The following IMPG1 variants were observed in gnomAD, a reference collection of about 807,000 sequenced individuals.
IMPG1 encodes interphotoreceptor matrix proteoglycan of 150 kDa.
In IMPG1, 85 loss-of-function variants were observed where a neutral mutation model predicts 92.0. That is an observed-to-expected ratio of 0.92 (90% CI 0.78 to 1.11). IMPG1 has a LOEUF of 1.11. Among genes scored for constraint, IMPG1 ranks in the 50% least tolerant of loss-of-function variants. The pLI, the probability that IMPG1 is intolerant of heterozygous loss-of-function variation, is 0.00. For missense variants in IMPG1, 1,022 were observed against 956.0 expected (o/e 1.07, Z -0.91); for synonymous variants, 367 against 334.1 (o/e 1.10, Z -1.08).
chr6:76,021,547 C>G (rs1450816965), intron 6 of IMPG1, among the ~76,000 whole-genome samples: 1 of 151,970 alleles, frequency 6.6e-6, no homozygotes, highest in Non-Finnish European at 1.5e-5. Flanking sequence ...TCCCACATAC[C>G]TTCACACTCA....
chr6:76,025,387 T>C (rs1055401667), intron 4 of IMPG1, 129 bp from the exon 5 acceptor site: 2 of 470,538 alleles, frequency 4.3e-6, no homozygotes, highest in African/African-American at 4.0e-5. Flanking sequence ...TAAAACTAGA[T>C]TGACCTATTT....
chr6:75,999,564 T>TTTTG (rs764074011), intron 12 of IMPG1, among the ~76,000 whole-genome samples: 3 of 152,218 alleles, frequency 2.0e-5, no homozygotes, highest in Non-Finnish European at 4.4e-5. Context: ...TGCACTTTTT[T>TTTTG]TTTGTTTGTT....
At chr6:76,071,401 A>G (rs1465024599) in intron 1 of IMPG1, among the ~76,000 whole-genome samples, 1 of 150,842 alleles carries the variant, frequency 6.6e-6, no homozygotes, top group East Asian at 1.9e-4. Flanking sequence ...GATTTTATAA[A>G]TGTAAATATT....
chr6:75,924,667 A>ATATATAATATATTATATATTATATAT (rs376659354), intron 15 of IMPG1, among the ~76,000 whole-genome samples: 33 of 7,994 alleles, frequency 4.1e-3, no homozygotes, highest in Admixed American at 8.5e-3. Context: ...AATATATAAT[A>ATATATAATATATTATATATTATATAT]AATTATATAT....
intron 9 of IMPG1, 96 bp downstream of exon 9, chr6:76,007,384 A>G: frequency 4.4e-6 from 4 of 900,706 alleles, no homozygotes; most frequent in Non-Finnish European, 7.0e-6. Flanking sequence ...GGGCTTATCC[A>G]AGACATTATA....
intron 12 of IMPG1, among the ~76,000 whole-genome samples, chr6:76,000,540 T>A (rs1449878189): frequency 6.6e-6 from 1 of 152,204 alleles, no homozygotes; most frequent in Non-Finnish European, 1.5e-5. Flanking sequence ...TAAAAAAATT[T>A]AATGATAAGC....
At chr6:75,946,095 T>C (rs1781923053) in intron 14 of IMPG1, among the ~76,000 whole-genome samples, 1 of 152,218 alleles carries the variant, frequency 6.6e-6, no homozygotes, top group Admixed American at 6.5e-5. Context: ...TCCTTTTCAG[T>C]TCTGAAGTAG....
chr6:76,045,782 T>A (rs1783930260), intron 1 of IMPG1, among the ~76,000 whole-genome samples: 1 of 152,196 alleles, frequency 6.6e-6, no homozygotes, highest in African/African-American at 2.4e-5. Context: ...CAGTCCTGCA[T>A]AAATTGTAAT....
intron 1 of IMPG1, among the ~76,000 whole-genome samples, chr6:76,045,441 C>CTTTT (rs10700038): frequency 9.0e-5 from 11 of 122,408 alleles, no homozygotes; most frequent in South Asian, 3.0e-4. Flanking sequence ...CAACCTCCAT[C>CTTTT]TTTTTTTTTT....
chr6:75,926,683 A>C lies in IMPG1; in HGVS notation c.2244-2977T>G, dbSNP rs533984709. On this transcript the variant is annotated intron_variant, in intron 15 of 16. Coordinates refer to ENST00000369950, the MANE Select transcript of IMPG1 (RefSeq NM_001563.4). ...AGATTTAGATTTGCATTTTTTGTGT[A>C]TGTATACTGATAATTGTGAGTAATA... is the stretch of plus-strand genomic sequence containing the variant. 2.8e-4 allele frequency among the ~76,000 whole-genome samples: 42 copies of C among 152,304 alleles called. 1 individual carries two copies. The highest frequency in any genetic ancestry group is 1.6e-3 in the Admixed American group (25 of 15,288).
chr6:75,955,242 T>A (rs577547695), intron 12 of IMPG1, among the ~76,000 whole-genome samples: 1 of 152,340 alleles, frequency 6.6e-6, no homozygotes, highest in African/African-American at 2.4e-5. Flanking sequence ...TTCCTATCCA[T>A]GAGAATGGAA....
intron 1 of IMPG1, among the ~76,000 whole-genome samples, chr6:76,052,792 G>T (rs1784064765): frequency 6.6e-6 from 1 of 152,222 alleles, no homozygotes; most frequent in African/African-American, 2.4e-5. Flanking sequence ...GTTGTAAAAT[G>T]CATTATCACT....
chr6:76,055,749 T>C (rs1784109739), intron 1 of IMPG1, among the ~76,000 whole-genome samples: 2 of 152,040 alleles, frequency 1.3e-5, no homozygotes, highest in South Asian at 4.1e-4. Context: ...CTACAAAATG[T>C]TCTATAAACA....
intron 12 of IMPG1, among the ~76,000 whole-genome samples, chr6:75,989,597 C>T (rs1782781624): frequency 6.6e-6 from 1 of 152,182 alleles, no homozygotes; most frequent in Non-Finnish European, 1.5e-5. Flanking sequence ...AATCCCAGCC[C>T]TTTGGGAGAC....
intron 12 of IMPG1, among the ~76,000 whole-genome samples, chr6:75,996,983 A>C (rs757018474): frequency 6.6e-6 from 1 of 152,140 alleles, no homozygotes; most frequent in Non-Finnish European, 1.5e-5. Flanking sequence ...GGAATTGCCA[A>C]AATTTGAGGG....
intron 1 of IMPG1, among the ~76,000 whole-genome samples, chr6:76,044,049 T>C (rs1189845693): frequency 1.3e-5 from 2 of 152,236 alleles, no homozygotes; most frequent in East Asian, 3.8e-4. Context: ...GAACTGGGAT[T>C]ACTTGAAGTG....
intron 14 of IMPG1, among the ~76,000 whole-genome samples, chr6:75,938,299 T>C: frequency 6.6e-6 from 1 of 152,360 alleles, no homozygotes; most frequent in Non-Finnish European, 1.5e-5. Context: ...AAAAATCCCA[T>C]GAGAGTTTTC....
intron 14 of IMPG1, among the ~76,000 whole-genome samples, chr6:75,945,353 T>TTTTC (rs1781907705): frequency 6.8e-6 from 1 of 147,552 alleles, no homozygotes; most frequent in African/African-American, 2.5e-5. Context: ...CTCTTTTTTT[T>TTTTC]TTTTCTTTTT....
At chr6:76,033,498 T>C (rs1006544985) in intron 4 of IMPG1, among the ~76,000 whole-genome samples, 1 of 152,154 alleles carries the variant, frequency 6.6e-6, no homozygotes, top group African/African-American at 2.4e-5. Context: ...CTAACAGCAG[T>C]TGTGCAAGTT....
Sources: gnomAD v4.1 joint callset for allele counts (sites outside exome capture counted in the v4.1 genomes callset) on GRCh38, gnomAD v4.1.1 for gene constraint, MANE v1.5 for transcripts, NCBI Gene and HGNC (gene_info 2026-07-23, HGNC 2026-07-21) for gene names.